DENND1B: variants seen among roughly 807,000 people sequenced by gnomAD.
The protein encoded by DENND1B is DENN domain containing 1B, also known as DENN domain-containing protein 1B.
In DENND1B, 59 loss-of-function variants were observed where a neutral mutation model predicts 90.1. That is an observed-to-expected ratio of 0.65 (90% CI 0.53 to 0.81). The LOEUF (loss-of-function observed/expected upper bound fraction) is 0.81, where lower values mean the gene tolerates loss of function less well. DENND1B is among the 40% of genes least tolerant of loss of function. The pLI is 0.00. For missense variants in DENND1B, 862 were observed against 912.6 expected (o/e 0.94, Z 0.71); for synonymous variants, 337 against 324.6 (o/e 1.04, Z -0.41).
intron 2 of DENND1B, among the ~76,000 whole-genome samples, chr1:197,745,192 T>C (rs1399654170): frequency 6.6e-6 from 1 of 152,212 alleles, no homozygotes; most frequent in Non-Finnish European, 1.5e-5. Context: ...AGTGGCACTT[T>C]TCATTTCCTT....
At chr1:197,540,343 G>A (rs111780191) in intron 19 of DENND1B, among the ~76,000 whole-genome samples, 1 of 151,624 alleles carries the variant, frequency 6.6e-6, no homozygotes, top group African/African-American at 2.4e-5. Flanking sequence ...TGAATAATCT[G>A]AATAAAATTT....
intron 6 of DENND1B, 127 bp downstream of exon 6, chr1:197,658,173 T>G: frequency 5.2e-6 from 4 of 767,266 alleles, no homozygotes; most frequent in Non-Finnish European, 9.1e-6. Context: ...TGTATGGTAT[T>G]GATGATTGCA....
chr1:197,592,295 T>A (rs766293609), intron 14 of DENND1B, among the ~76,000 whole-genome samples: 1 of 151,984 alleles, frequency 6.6e-6, no homozygotes, highest in Non-Finnish European at 1.5e-5. Context: ...CTTTAAAATA[T>A]AAAGAGTAAT....
At chr1:197,780,219 C>T (rs1657392387), upstream of DENND1B, among the ~76,000 whole-genome samples, 1 of 152,004 alleles carries the variant, frequency 6.6e-6, no homozygotes, top group Admixed American at 6.6e-5. Flanking sequence ...TTGGATTTCC[C>T]ACATTAGGAA....
At chr1:197,519,234 T>C (rs1419376806) in intron 20 of DENND1B, among the ~76,000 whole-genome samples, 1 of 151,934 alleles carries the variant, frequency 6.6e-6, no homozygotes, top group Admixed American at 6.6e-5. Flanking sequence ...GAGTCATAAG[T>C]TTATTTTTAT....
chr1:197,578,246 G>T (rs531271185), intron 15 of DENND1B, among the ~76,000 whole-genome samples: 7 of 151,914 alleles, frequency 4.6e-5, no homozygotes, highest in Non-Finnish European at 8.8e-5. Context: ...TGTTGTTGTT[G>T]TTGTTGTTGT....
chr1:197,721,658 AAT>A (rs1279253953), intron 2 of DENND1B, among the ~76,000 whole-genome samples: 2 of 152,048 alleles, frequency 1.3e-5, no homozygotes, highest in African/African-American at 4.8e-5. Context: ...TATTCTTTAA[AAT>A]ATGACAATAA....
chr1:197,511,012 A>G (rs771053824), intron 22 of DENND1B, 40 bp from the exon 23 acceptor site: 1 of 1,456,538 alleles, frequency 6.9e-7, no homozygotes, highest in Admixed American at 2.6e-5. Flanking sequence ...AAAACTTTTA[A>G]TAAGCATTAA....
chr1:197,739,858 C>T (rs1663051732), intron 2 of DENND1B, among the ~76,000 whole-genome samples: 1 of 152,136 alleles, frequency 6.6e-6, no homozygotes, highest in Non-Finnish European at 1.5e-5. Context: ...CTTAATAAAA[C>T]ATAATTGAGT....
chr1:197,530,658 G>A (rs1669549035), intron 20 of DENND1B, among the ~76,000 whole-genome samples: 1 of 152,128 alleles, frequency 6.6e-6, no homozygotes, highest in Admixed American at 6.5e-5. Flanking sequence ...TACCAAGAGA[G>A]AAATCAGATG....
In DENND1B at chr1:197,645,698, G is replaced by T; in HGVS notation, c.553C>A (p.Pro185Thr). 2 of 1,557,218 alleles carry T rather than the reference G, an allele frequency of 1.3e-6. No homozygotes were observed. Among genetic ancestry groups the T allele is most frequent in the South Asian group, 1.3e-5 (1 of 77,902 alleles). Residue 185 changes from proline (P) to threonine (T), a missense_variant, in exon 9 of 23, where the codon CCC becomes ACC. Physicochemically the swap from Pro to Thr is conservative, Grantham distance 38. Transcript: ENST00000620048. ...GAAAATAGGAAACTTACACTCTCGG[G>T]TATTGTTGGGAGTCCAGTTACATCA... ...APDVTGLPTI[P>T]ESRNLTEYFV...
At chr1:197,593,663 C>T (rs1043560432) in intron 14 of DENND1B, among the ~76,000 whole-genome samples, 1 of 151,812 alleles carries the variant, frequency 6.6e-6, no homozygotes, top group Admixed American at 6.6e-5. Flanking sequence ...AGTCAGCACC[C>T]AACAAACTGA....
At chr1:197,559,422 A>G (rs920023244) in intron 15 of DENND1B, among the ~76,000 whole-genome samples, 1 of 151,924 alleles carries the variant, frequency 6.6e-6, no homozygotes, top group African/African-American at 2.4e-5. Flanking sequence ...TTACTGAAGC[A>G]AAGCTGCAGA....
intron 5 of DENND1B, among the ~76,000 whole-genome samples, chr1:197,664,244 A>T (rs972150268): frequency 1.3e-5 from 2 of 152,110 alleles, no homozygotes; most frequent in African/African-American, 4.8e-5. Context: ...CTGTATTCTT[A>T]CAACAGACCA....
intron 3 of DENND1B, among the ~76,000 whole-genome samples, chr1:197,692,360 C>T (rs1024612794): frequency 1.3e-5 from 2 of 151,812 alleles, no homozygotes; most frequent in African/African-American, 4.8e-5. Flanking sequence ...ATGGTTATTT[C>T]CTATTAGTCA....
rs1667841974 is a variant in DENND1B, at chr1:197,508,713, A to C, written c.*1747T>G. Reference sequence around the variant, plus strand: ...TTTCTTGAACATCTTTTCTAAAAAGAAATGTAAAAAAAATCATGATTGGGG... The same window carrying C: ...TTTCTTGAACATCTTTTCTAAAAAGCAATGTAAAAAAAATCATGATTGGGG... On this transcript the variant is annotated 3_prime_UTR_variant, in exon 23 of 23. Coordinates refer to ENST00000620048, the MANE Select transcript of DENND1B (RefSeq NM_001195215.2). 1 of 151,574 alleles carries C rather than the reference A, an allele frequency of 6.6e-6. No homozygotes were observed. The highest frequency in any genetic ancestry group is 1.5e-5 in the Non-Finnish European group (1 of 67,714). The allele number at this position is 151,574 out of a possible 1,614,324, so 9.4% of individuals were successfully genotyped here. A position where few individuals can be genotyped will look rare whatever the true frequency, so the allele number is the denominator to read the frequency against.
intron 20 of DENND1B, among the ~76,000 whole-genome samples, chr1:197,525,224 T>A (rs1158671343): frequency 2.0e-5 from 3 of 152,282 alleles, no homozygotes; most frequent in African/African-American, 4.8e-5. Flanking sequence ...ATATCAATTT[T>A]AAATTTTTAA....
intron 12 of DENND1B, among the ~76,000 whole-genome samples, chr1:197,611,082 G>T (rs1315009940): frequency 2.0e-5 from 3 of 150,778 alleles, no homozygotes; most frequent in Non-Finnish European, 4.5e-5. Context: ...GGTATACAGT[G>T]ATGGCAAGAG....
intron 4 of DENND1B, among the ~76,000 whole-genome samples, 188 bp from the exon 5 acceptor site, chr1:197,672,344 G>T (rs971140928): frequency 6.6e-6 from 1 of 152,014 alleles, no homozygotes; most frequent in Non-Finnish European, 1.5e-5. Flanking sequence ...AAAATAAGTT[G>T]TAATACCTCA....
Sources: gnomAD v4.1 joint callset for allele counts (sites outside exome capture counted in the v4.1 genomes callset) on GRCh38, gnomAD v4.1.1 for gene constraint, MANE v1.5 for transcripts, NCBI Gene and HGNC (gene_info 2026-07-23, HGNC 2026-07-21) for gene names.